Variants in CTSD observed in about 807,000 individuals in gnomAD.
CTSD encodes the protein cathepsin D.
CTSD carries 28 observed loss-of-function variants against 43.6 expected under a neutral mutation model. That is an observed-to-expected ratio of 0.64 (90% CI 0.48 to 0.88). The LOEUF is 0.88. CTSD is among the 40% of genes least tolerant of loss of function. The probability of loss-of-function intolerance (pLI) is 0.00; values close to 1 mark genes in which losing one functional copy is unlikely to be tolerated. For synonymous variants in CTSD, 270 were observed against 249.8 expected (o/e 1.08, Z -0.76); for missense variants, 485 against 555.2 (o/e 0.87, Z 1.27).
chr11:1,759,157 C>G (rs1845844724), intron 3 of CTSD, 70 bp from the exon 4 acceptor site: 1 of 1,215,360 alleles, frequency 8.2e-7, no homozygotes, highest in Admixed American at 1.7e-5. Context: ...CCTCCCATCC[C>G]CCTACAATCT....
rs138733377 is a variant in CTSD, at chr11:1,753,527, G to T, written c.1215C>A (p.Gly405=). The change falls in exon 9 of 9, where the codon GGC becomes GGA. Residue 405 remains glycine (G), a synonymous_variant. Coordinates refer to ENST00000236671, the MANE Select transcript of CTSD (RefSeq NM_001909.5). ...TVFDRDNNRV[G]FAEAARL is the part of the protein sequence containing the mutation. ...ACTAGAGGCGGGCAGCCTCGGCGAA[G>T]CCCACCCTGTTGTTGTCACGGTCAA... 0.017 allele frequency: 27,402 copies of T among 1,612,964 alleles called. 292 individuals carry two copies. The highest frequency in any genetic ancestry group is 0.021 in the Non-Finnish European group (24,431 of 1,179,894).
chr11:1,754,364 A>G (rs1478485171), intron 6 of CTSD: 2 of 442,850 alleles, frequency 4.5e-6, no homozygotes, highest in Non-Finnish European at 8.3e-6. Flanking sequence ...GCATGGAGGG[A>G]TGGAGGGGAT....
chr11:1,755,069 C>T (rs569619224), intron 5 of CTSD, 41 bp from the exon 6 acceptor site: 1 of 1,612,678 alleles, frequency 6.2e-7, no homozygotes, highest in Non-Finnish European at 8.5e-7. Context: ...CGCCACCCCC[C>T]AAGCACAAGA....
intron 5 of CTSD, 48 bp downstream of exon 5, chr11:1,757,276 C>A: frequency 6.6e-7 from 1 of 1,515,182 alleles, no homozygotes. Context: ...CGTCCAGCCC[C>A]GCCCTGCCTC....
At chr11:1,762,807 AAC>A (rs1437113104) in intron 1 of CTSD, among the ~76,000 whole-genome samples, 1 of 152,148 alleles carries the variant, frequency 6.6e-6, no homozygotes, top group Non-Finnish European at 1.5e-5. Flanking sequence ...ACTCCCCCAC[AAC>A]GACTTTAATT....
At chr11:1,753,951 C>T (rs760348359) in intron 7 of CTSD, 43 bp downstream of exon 7, 1 of 1,610,128 alleles carries the variant, frequency 6.2e-7, no homozygotes, top group Middle Eastern at 1.7e-4. Context: ...CCTTGGGGCT[C>T]CCCCTGCCAG....
rs747186301 is a variant in CTSD at position 1,761,519 on chromosome 11, C to A, written c.69-51G>T. 5 of 1,601,830 alleles carry A rather than the reference C, an allele frequency of 3.1e-6. No individual in the cohort carries two copies. The Admixed American group carries it at 8.4e-5, about 27-fold the overall frequency. On this transcript the variant is annotated intron_variant, in intron 1 of 8. Coordinates refer to ENST00000236671, the MANE Select transcript of CTSD (RefSeq NM_001909.5). ...CAGGGAGGCCCTCCCGCCTGCCGGC[C>A]GACGCTGCCAATGCTGCACATCCAC...
chr11:1,761,539 A>G lies in CTSD; in HGVS notation c.69-71T>C, dbSNP rs1194870618. 5.2e-6 allele frequency: 8 copies of G among 1,540,942 alleles called. No individual in the cohort carries two copies. The East Asian group carries it at 1.6e-4, about 31-fold the overall frequency. The stretch of plus-strand genomic sequence containing the variant: ...CCGGCCGACGCTGCCAATGCTGCAC[A>G]TCCACCTGGAGGCCCCTGGGGAATC... On this transcript the variant is annotated intron_variant, in intron 1 of 8. Transcript: ENST00000236671.
chr11:1,759,156 C>A, intron 3 of CTSD, 69 bp from the exon 4 acceptor site: 7 of 1,214,080 alleles, frequency 5.8e-6, no homozygotes, highest in African/African-American at 1.5e-5. Flanking sequence ...CCCTCCCATC[C>A]CCCTACAATC....
chr11:1,757,755 G>C (rs72850958), intron 4 of CTSD, among the ~76,000 whole-genome samples, 199 bp from the exon 5 acceptor site: 1 of 152,018 alleles, frequency 6.6e-6, no homozygotes, highest in African/African-American at 2.4e-5. Flanking sequence ...GGCCCTCTTC[G>C]TGGAAGTCAT....
At chr11:1,753,941 C>T (rs1845761607) in intron 7 of CTSD, 40 bp from the exon 8 acceptor site, 1 of 1,611,954 alleles carries the variant, frequency 6.2e-7, no homozygotes, top group South Asian at 1.1e-5. Context: ...GTAGTGGTGG[C>T]CTTGGGGCTC....
At chr11:1,754,516 A>AG (rs1338888503) in intron 6 of CTSD, among the ~76,000 whole-genome samples, 33 of 32,622 alleles carry the variant, frequency 1.0e-3, no homozygotes, top group South Asian at 7.1e-3. Flanking sequence ...GGAGGGATGG[A>AG]GGGATGGAGG....
chr11:1,758,603 C>T (rs1051965552), intron 4 of CTSD, among the ~76,000 whole-genome samples: 1 of 152,148 alleles, frequency 6.6e-6, no homozygotes, highest in Non-Finnish European at 1.5e-5. Context: ...CCAAGCCTCC[C>T]CAAGCCCTCG....
chr11:1,756,103 T>C (rs1463123263), intron 5 of CTSD, among the ~76,000 whole-genome samples: 1 of 147,426 alleles, frequency 6.8e-6, no homozygotes, highest in Non-Finnish European at 1.5e-5. Flanking sequence ...ACCTGGGTAC[T>C]CATACCGTGT....
At position 1,757,276 on chromosome 11, in the gene CTSD, C is replaced by T. The variant is rs370750959; in HGVS notation, c.704+48G>A. On this transcript the variant is annotated intron_variant, in intron 5 of 8. Coordinates refer to ENST00000236671, the MANE Select transcript of CTSD (RefSeq NM_001909.5). ...GCCTAGAAGGCTCCCCGTCCAGCCC[C>T]GCCCTGCCTCCCAGCAACGCGGAGC... 2.0e-5 allele frequency: 30 copies of T among 1,515,060 alleles called. No homozygotes were observed. In the Admixed American group the frequency reaches 2.3e-4, roughly 12 times the overall value. The allele number at this position is 1,515,060 out of a possible 1,614,324, so 93.9% of individuals were successfully genotyped here.
intron 5 of CTSD, chr11:1,755,295 G>T (rs1027305741): frequency 7.7e-6 from 4 of 517,226 alleles, no homozygotes; most frequent in South Asian, 6.0e-5. Context: ...AGGAGCCAAG[G>T]TTCAGCCAGA....
chr11:1,753,691 A>G, intron 8 of CTSD, 21 bp from the exon 9 acceptor site: 5 of 1,612,222 alleles, frequency 3.1e-6, no homozygotes, highest in Non-Finnish European at 4.2e-6. Context: ...CCTGGTGGTC[A>G]GTACCCAGGC....
chr11:1,753,931 G>T (rs1389843132), intron 7 of CTSD, 30 bp from the exon 8 acceptor site: 1 of 1,612,264 alleles, frequency 6.2e-7, no homozygotes, highest in African/African-American at 1.3e-5. Flanking sequence ...TGTCAGGGTG[G>T]TAGTGGTGGC....
At chr11:1,757,657 A>C (rs1284288494) in intron 4 of CTSD, 101 bp from the exon 5 acceptor site, 8 of 966,438 alleles carry the variant, frequency 8.3e-6, no homozygotes, top group Admixed American at 2.0e-5. Flanking sequence ...TGCCCATCCC[A>C]CACACGATGG....
Sources: allele counts gnomAD v4.1 joint callset (sites outside exome capture counted in the v4.1 genomes callset), GRCh38; gene constraint gnomAD v4.1.1; transcripts MANE v1.5; gene names NCBI Gene and HGNC (gene_info 2026-07-23, HGNC 2026-07-21).